Variants in ADAMTS17 observed in about 807,000 individuals in gnomAD.
The protein encoded by ADAMTS17 is ADAM metallopeptidase with thrombospondin type 1 motif 17.
ADAMTS17 carries 113 observed loss-of-function variants against 141.5 expected under a neutral mutation model. The observed-to-expected ratio is 0.80, with a 90% CI of 0.69 to 0.93. The LOEUF is 0.93. Ranked by LOEUF, ADAMTS17 falls within the 40% of genes least tolerant of loss-of-function variation. ADAMTS17 has a pLI of 0.00. For missense variants in ADAMTS17, 1,659 were observed against 1,517.9 expected, an observed-to-expected ratio of 1.09 and a Z score of -1.54; for synonymous variants, 768 against 630.6, an observed-to-expected ratio of 1.22 and a Z score of -3.27.
chr15:100,149,876 A>G (rs1225021264), intron 10 of ADAMTS17, among the ~76,000 whole-genome samples: 1 of 152,190 alleles, frequency 6.6e-6, no homozygotes, highest in African/African-American at 2.4e-5. Context: ...CATTTTCTCC[A>G]GTGTGCACAG....
intron 20 of ADAMTS17, among the ~76,000 whole-genome samples, chr15:99,984,202 C>A (rs1474595787): frequency 6.6e-6 from 1 of 152,170 alleles, no homozygotes; most frequent in Non-Finnish European, 1.5e-5. Context: ...GCTGAGGTGA[C>A]CCCCGATGGC....
intron 18 of ADAMTS17, among the ~76,000 whole-genome samples, chr15:100,000,822 C>T (rs2044214935): frequency 6.6e-6 from 1 of 152,108 alleles, no homozygotes. Context: ...CCCAACCATA[C>T]TGCTCCCCAG....
At chr15:100,034,687 C>T (rs1213565389) in intron 18 of ADAMTS17, among the ~76,000 whole-genome samples, 2 of 152,204 alleles carry the variant, frequency 1.3e-5, no homozygotes, top group Admixed American at 6.5e-5. Flanking sequence ...AAGTCCCTCT[C>T]GGAAAATGTC....
chr15:100,196,168 A>G (rs1182999585), intron 8 of ADAMTS17, among the ~76,000 whole-genome samples: 1 of 152,214 alleles, frequency 6.6e-6, no homozygotes, highest in Non-Finnish European at 1.5e-5. Flanking sequence ...ACAACTTAGG[A>G]CCTATTTGAC....
rs1389052969 is a variant in ADAMTS17, at chr15:100,341,940, A to T, written c.-41T>A. 2 of 1,546,484 alleles carry T rather than the reference A, an allele frequency of 1.3e-6. No homozygotes were observed. The highest frequency in any genetic ancestry group is 3.9e-5 in the Admixed American group (2 of 50,890). On this transcript the variant is annotated 5_prime_UTR_variant, in exon 1 of 22. Transcript: ENST00000268070. ...CAGCCCCCCCGGACCGTGGCGGCGAAGCAGGAGCGCGCTAGGCGGCGGCGC... is the reference window on the plus strand; with the variant it reads ...CAGCCCCCCCGGACCGTGGCGGCGATGCAGGAGCGCGCTAGGCGGCGGCGC...
intron 15 of ADAMTS17, among the ~76,000 whole-genome samples, chr15:100,090,422 C>T (rs933240225): frequency 2.6e-5 from 4 of 152,230 alleles, no homozygotes; most frequent in African/African-American, 7.2e-5. Context: ...TCCGACAGAG[C>T]TGATGGGGCC....
chr15:100,010,390 A>T (rs545509338), intron 18 of ADAMTS17, among the ~76,000 whole-genome samples: 10 of 152,332 alleles, frequency 6.6e-5, no homozygotes, highest in Middle Eastern at 3.4e-3. Flanking sequence ...CCAGGCATGC[A>T]CATCCCTTCC....
intron 13 of ADAMTS17, among the ~76,000 whole-genome samples, chr15:100,110,515 C>T (rs1233463657): frequency 5.3e-5 from 8 of 151,946 alleles, no homozygotes; most frequent in African/African-American, 9.7e-5. Context: ...TTGCCTGCCT[C>T]GGCCTCCCAA....
At chr15:100,028,721 G>A (rs995156992) in intron 18 of ADAMTS17, among the ~76,000 whole-genome samples, 2 of 152,192 alleles carry the variant, frequency 1.3e-5, no homozygotes, top group Admixed American at 6.5e-5. Context: ...ATGGGAACCT[G>A]GCTGCTGGAG....
At chr15:100,010,113 A>G (rs897887654) in intron 18 of ADAMTS17, among the ~76,000 whole-genome samples, 100 of 152,328 alleles carry the variant, frequency 6.6e-4, no homozygotes, top group African/African-American at 2.2e-3. Flanking sequence ...GTCTGCCACC[A>G]TGTAAGATGT....
At chr15:100,249,488 C>G (rs1260000995) in intron 7 of ADAMTS17, among the ~76,000 whole-genome samples, 2 of 152,208 alleles carry the variant, frequency 1.3e-5, no homozygotes, top group African/African-American at 4.8e-5. Flanking sequence ...TGGGGAGGGG[C>G]AGACCACAGG....
intron 7 of ADAMTS17, among the ~76,000 whole-genome samples, chr15:100,216,056 A>G (rs1285071620): frequency 6.6e-6 from 1 of 152,152 alleles, no homozygotes; most frequent in African/African-American, 2.4e-5. Flanking sequence ...CAGGCTCTGG[A>G]CTGGGGTCTG....
At chr15:100,052,871 T>G (rs1382218578) in intron 16 of ADAMTS17, among the ~76,000 whole-genome samples, 1 of 152,236 alleles carries the variant, frequency 6.6e-6, no homozygotes, top group African/African-American at 2.4e-5. Context: ...GCCTTACCTT[T>G]GTCTCCCCAG....
rs373132940 is a variant in ADAMTS17, at chr15:99,997,516, C to A, written c.2665G>T (p.Val889Leu). 4 of 1,613,636 alleles carry A rather than the reference C, an allele frequency of 2.5e-6. No homozygotes were observed. The highest frequency in any genetic ancestry group is 1.6e-4 in the Middle Eastern group (1 of 6,062). ...KGFQHREVTC[V>L]YQLQNGTHVA... Reference sequence around the variant, plus strand: ...TGTGTGCCGTTCTGCAGCTGGTACACGCAGGTCACCTCCCGGTGCTGGAAG... The same window carrying A: ...TGTGTGCCGTTCTGCAGCTGGTACAAGCAGGTCACCTCCCGGTGCTGGAAG... The change falls in exon 19 of 22, where the codon GTG (valine) becomes TTG (leucine). Residue 889 changes from valine to leucine, a missense_variant. Coordinates refer to ENST00000268070, the MANE Select transcript of ADAMTS17 (RefSeq NM_139057.4). This position sits in a 1 kb window ranked among gnomAD's most constrained non-coding sequence, Gnocchi z 4.7.
At position 99,973,656 on chromosome 15, in the gene ADAMTS17, A is replaced by G. The variant is rs1412224601; in HGVS notation, c.*746T>C. 1 of 153,238 alleles carries G rather than the reference A, an allele frequency of 6.5e-6. No individual in the cohort carries two copies. The highest frequency in any genetic ancestry group is 1.5e-5 in the Non-Finnish European group (1 of 68,882). The allele number at this position is 153,238 out of a possible 1,614,324, so 9.5% of individuals were successfully genotyped here. Reference sequence around the variant, plus strand: ...TGAAGAGAGGCCCTTCTGTTTCCCTACACGGTGGACAGCAGAGCTCTGAAA... The same window carrying G: ...TGAAGAGAGGCCCTTCTGTTTCCCTGCACGGTGGACAGCAGAGCTCTGAAA... On this transcript the variant is annotated 3_prime_UTR_variant, in exon 22 of 22. Transcript: ENST00000268070.
At chr15:100,325,514 C>T (rs1030764505) in intron 3 of ADAMTS17, among the ~76,000 whole-genome samples, 1 of 152,174 alleles carries the variant, frequency 6.6e-6, no homozygotes, top group Non-Finnish European at 1.5e-5. Flanking sequence ...CATAATGAAA[C>T]ATGCTGCCCA....
chr15:100,211,124 A>AAATAAATAAATG (rs1417567657), intron 7 of ADAMTS17, among the ~76,000 whole-genome samples: 2 of 148,850 alleles, frequency 1.3e-5, no homozygotes, highest in Admixed American at 6.7e-5. Flanking sequence ...ATAAATAAAT[A>AAATAAATAAATG]AATAAATAAA....
intron 10 of ADAMTS17, among the ~76,000 whole-genome samples, chr15:100,135,800 A>G (rs941588098): frequency 4.6e-5 from 7 of 152,222 alleles, no homozygotes; most frequent in African/African-American, 1.4e-4. Context: ...GAATGTTTAA[A>G]TGGCTAGTAA....
At chr15:100,100,370 C>T (rs563927421) in intron 14 of ADAMTS17, among the ~76,000 whole-genome samples, 1 of 152,278 alleles carries the variant, frequency 6.6e-6, no homozygotes, top group African/African-American at 2.4e-5. Flanking sequence ...CAGCCATCAT[C>T]CTCATGCAAA....
Sources: allele counts gnomAD v4.1 joint callset (sites outside exome capture counted in the v4.1 genomes callset), GRCh38; gene constraint gnomAD v4.1.1; non-coding constraint Gnocchi (gnomAD v3.1); transcripts MANE v1.5; gene names NCBI Gene and HGNC (gene_info 2026-07-23, HGNC 2026-07-21).